Variants in NEK10 observed in about 807,000 individuals in gnomAD.
NEK10 encodes the protein serine/threonine-protein kinase Nek10.
In NEK10, 122 loss-of-function variants were observed where a neutral mutation model predicts 159.8. The ratio of observed to expected loss-of-function variants is 0.76; its 90% CI spans 0.66 to 0.89. NEK10 has a LOEUF of 0.89. Among genes scored for constraint, NEK10 ranks in the 40% least tolerant of loss-of-function variants. The pLI is 0.00. For synonymous variants in NEK10, 466 were observed against 457.1 expected (o/e 1.02, Z -0.25); for missense variants, 1,342 against 1,323.1 (o/e 1.01, Z -0.22).
intron 26 of NEK10, among the ~76,000 whole-genome samples, chr3:27,185,527 A>C (rs1948532330): frequency 1.3e-5 from 2 of 152,212 alleles, no homozygotes; most frequent in African/African-American, 2.4e-5. Flanking sequence ...TGTGGAAAAC[A>C]GCTTCAGCCC....
At chr3:27,356,443 G>T (rs1233908071) in intron 1 of NEK10, among the ~76,000 whole-genome samples, 5 of 152,190 alleles carry the variant, frequency 3.3e-5, no homozygotes, top group African/African-American at 1.2e-4. Context: ...CCAGGAGGTT[G>T]AGGCTGCAGT....
At chr3:27,291,778 G>A (rs909217199) in intron 16 of NEK10, among the ~76,000 whole-genome samples, 192 bp from the exon 17 acceptor site, 1 of 152,070 alleles carries the variant, frequency 6.6e-6, no homozygotes, top group Non-Finnish European at 1.5e-5. Context: ...AAGTAGCTGG[G>A]ACTACAGGTG....
chr3:27,323,426 G>T (rs980394467), intron 5 of NEK10, among the ~76,000 whole-genome samples: 8 of 152,172 alleles, frequency 5.3e-5, no homozygotes, highest in African/African-American at 1.9e-4. Context: ...TGTTGGACAG[G>T]AAGGTGCCAA....
chr3:27,308,861 G>T, intron 10 of NEK10, 65 bp downstream of exon 10: 2 of 667,766 alleles, frequency 3.0e-6, no homozygotes, highest in Non-Finnish European at 5.2e-6. Flanking sequence ...TGATTATTTT[G>T]CATCCTTACC....
At chr3:27,222,178 G>C (rs1352981685) in intron 23 of NEK10, among the ~76,000 whole-genome samples, 1 of 152,118 alleles carries the variant, frequency 6.6e-6, no homozygotes, top group African/African-American at 2.4e-5. Flanking sequence ...TTCAAGACCA[G>C]CCTGACCAAT....
At chr3:27,163,387 T>C (rs2148821302) in intron 29 of NEK10, among the ~76,000 whole-genome samples, 1 of 152,160 alleles carries the variant, frequency 6.6e-6, no homozygotes, top group East Asian at 1.9e-4. Flanking sequence ...AGTCTAGCTC[T>C]GTCACCCAGG....
intron 23 of NEK10, among the ~76,000 whole-genome samples, chr3:27,242,531 C>G (rs558689968): frequency 5.8e-4 from 88 of 151,436 alleles, no homozygotes; most frequent in Non-Finnish European, 1.1e-3. Flanking sequence ...TGGGCCCAGG[C>G]AATCCAGGTC....
At chr3:27,224,259 C>A (rs1952406317) in intron 23 of NEK10, among the ~76,000 whole-genome samples, 1 of 152,214 alleles carries the variant, frequency 6.6e-6, no homozygotes, top group Non-Finnish European at 1.5e-5. Flanking sequence ...TTTCTTAACA[C>A]TTTCAGCTGT....
chr3:27,145,265 A>G (rs1944191669), intron 30 of NEK10, among the ~76,000 whole-genome samples: 2 of 152,196 alleles, frequency 1.3e-5, no homozygotes, highest in Admixed American at 6.5e-5. Flanking sequence ...CATACATAAT[A>G]TGCCCATGAT....
chr3:27,151,408 A>G (rs1391724167), intron 30 of NEK10, among the ~76,000 whole-genome samples: 1 of 152,164 alleles, frequency 6.6e-6, no homozygotes, highest in Non-Finnish European at 1.5e-5. Flanking sequence ...GAGACACAAC[A>G]ATCACTGAGG....
intron 15 of NEK10, among the ~76,000 whole-genome samples, chr3:27,294,654 C>A (rs1035724673): frequency 6.6e-6 from 1 of 152,104 alleles, no homozygotes; most frequent in Admixed American, 6.6e-5. Context: ...CCCCTGCCTG[C>A]CAGCACAGAG....
At chr3:27,360,776 C>G (rs1475207334) in intron 1 of NEK10, among the ~76,000 whole-genome samples, 1 of 152,144 alleles carries the variant, frequency 6.6e-6, no homozygotes, top group African/African-American at 2.4e-5. Flanking sequence ...GAGTGGTAAA[C>G]AAAGACACGG....
At chr3:27,365,917 A>AGTTTGTT (rs2049047704) in intron 1 of NEK10, among the ~76,000 whole-genome samples, 1 of 151,886 alleles carries the variant, frequency 6.6e-6, no homozygotes. Flanking sequence ...TTAAATCATG[A>AGTTTGTT]TACATATCAG....
At chr3:27,127,790 T>A (rs1488496126) in intron 32 of NEK10, among the ~76,000 whole-genome samples, 2 of 152,102 alleles carry the variant, frequency 1.3e-5, no homozygotes, top group African/African-American at 4.8e-5. Context: ...AAGAAATAAT[T>A]CCATATATTG....
chr3:27,309,165 G>A (rs2044482796), intron 9 of NEK10, 160 bp from the exon 10 acceptor site: 1 of 460,758 alleles, frequency 2.2e-6, no homozygotes. Context: ...TTGCTTAGTA[G>A]TTTATAATGT....
intron 31 of NEK10, among the ~76,000 whole-genome samples, chr3:27,140,664 T>C (rs1303931753): frequency 3.3e-5 from 5 of 152,306 alleles, no homozygotes; most frequent in Non-Finnish European, 7.3e-5. Context: ...TTAGTTGGAA[T>C]TGCCAAAACT....
At chr3:27,349,416 A>G (rs1418215929) in intron 3 of NEK10, among the ~76,000 whole-genome samples, 1 of 152,076 alleles carries the variant, frequency 6.6e-6, no homozygotes, top group African/African-American at 2.4e-5. Flanking sequence ...CTATTCCTCA[A>G]AAGCTATATG....
In NEK10 at chr3:27,344,141, A is replaced by G. The variant is rs2047387294; in HGVS notation, c.362+131T>C. 5.7e-6 allele frequency: 3 copies of G among 528,322 alleles called. No homozygotes were observed. The South Asian group carries it at 9.6e-5, about 17-fold the overall frequency. The allele number at this position is 528,322 out of a possible 1,614,324, so 32.7% of individuals were successfully genotyped here. On this transcript the variant is annotated intron_variant, in intron 5 of 35. Coordinates refer to ENST00000691995, the MANE Select transcript of NEK10 (RefSeq NM_001394966.1). ...TTTAATGAGATCATCTGTAATGCCT[A>G]CTCATTTGCCTCCTTCTTTCCTTTA...
At position 27,110,618 on chromosome 3, in the gene NEK10, T is replaced by C. The variant is rs1372974676; in HGVS notation, c.*654A>G. The C allele has an allele frequency of 6.6e-6, 1 of 152,184 alleles. No homozygotes were observed. The highest frequency in any genetic ancestry group is 2.4e-5 in the African/African-American group (1 of 41,434). The allele number at this position is 152,184 out of a possible 1,614,324, so 9.4% of individuals were successfully genotyped here. ...TTAGTCTAAGTTAAATCTGACAGTT[T>C]GACAGTTACCCCCAGAGGCTGTGCA... On this transcript the variant is annotated 3_prime_UTR_variant, in exon 36 of 36. Transcript: ENST00000691995.
Sources: gnomAD v4.1 joint callset for allele counts (sites outside exome capture counted in the v4.1 genomes callset) on GRCh38, gnomAD v4.1.1 for gene constraint, MANE v1.5 for transcripts, NCBI Gene and HGNC (gene_info 2026-07-23, HGNC 2026-07-21) for gene names.